MTA3: variants seen among roughly 807,000 people sequenced by gnomAD.
The protein encoded by MTA3 is metastasis associated 1 family member 3, also known as metastasis-associated protein MTA3.
In MTA3, 34 loss-of-function variants were observed where a neutral mutation model predicts 83.5. The ratio of observed to expected loss-of-function variants is 0.41; its 90% CI spans 0.31 to 0.54. The LOEUF is 0.54. MTA3 is among the 20% of genes least tolerant of loss of function. The pLI, the probability that MTA3 is intolerant of heterozygous loss-of-function variation, is 0.33. For missense variants in MTA3, 761 were observed against 726.4 expected, an observed-to-expected ratio of 1.05 and a Z score of -0.55; for synonymous variants, 303 against 252.7, an observed-to-expected ratio of 1.20 and a Z score of -1.89.
chr2:42,506,898 C>T (rs1216336363), intron 2 of MTA3, among the ~76,000 whole-genome samples: 2 of 151,370 alleles, frequency 1.3e-5, no homozygotes, highest in Admixed American at 6.6e-5. Context: ...TGAGCCACCG[C>T]GCCTGGCCTG....
intron 4 of MTA3, among the ~76,000 whole-genome samples, chr2:42,636,237 T>A (rs1231390441): frequency 6.6e-6 from 1 of 152,074 alleles, no homozygotes; most frequent in African/African-American, 2.4e-5. Context: ...CTTCAAGTTG[T>A]ATCAAGGTAA....
chr2:42,586,265 A>G (rs1428581568), intron 3 of MTA3, among the ~76,000 whole-genome samples: 2 of 148,462 alleles, frequency 1.3e-5, no homozygotes, highest in Non-Finnish European at 3.0e-5. Flanking sequence ...CAGGAGTGAA[A>G]CTCCATCTCA....
At chr2:42,567,367 C>T (rs1231205271), upstream of MTA3, among the ~76,000 whole-genome samples, 3 of 152,066 alleles carry the variant, frequency 2.0e-5, no homozygotes, top group East Asian at 1.9e-4. Flanking sequence ...TTTTTCATCT[C>T]AATACTTTGT....
chr2:42,506,587 C>CG (rs1001849478), intron 2 of MTA3, among the ~76,000 whole-genome samples: 2 of 151,458 alleles, frequency 1.3e-5, no homozygotes, highest in African/African-American at 4.9e-5. Context: ...GAGGTGTAGG[C>CG]GGGGGGTAAC....
At chr2:42,512,728 G>A (rs1055414333) in intron 2 of MTA3, among the ~76,000 whole-genome samples, 1 of 152,124 alleles carries the variant, frequency 6.6e-6, no homozygotes, top group Admixed American at 6.6e-5. Context: ...CATGTCAAGG[G>A]ATTAGAAAAC....
chr2:42,751,591 C>G (rs1013469746), intron 16 of MTA3, among the ~76,000 whole-genome samples: 6 of 152,170 alleles, frequency 3.9e-5, no homozygotes, highest in Non-Finnish European at 8.8e-5. Context: ...TGGCCTGTCT[C>G]AATTGAAAAC....
intron 2 of MTA3, among the ~76,000 whole-genome samples, chr2:42,542,832 C>T (rs943151142): frequency 2.0e-5 from 3 of 152,130 alleles, no homozygotes; most frequent in Non-Finnish European, 2.9e-5. Flanking sequence ...GCTGGGATTA[C>T]AGGCGTGACC....
intron 2 of MTA3, among the ~76,000 whole-genome samples, chr2:42,496,158 A>G (rs534481194): frequency 2.2e-4 from 33 of 152,350 alleles, no homozygotes; most frequent in African/African-American, 7.9e-4. Context: ...TTGAAGAAAT[A>G]TCTCATTTTA....
chr2:42,580,039 G>A (rs1679446485), intron 3 of MTA3, among the ~76,000 whole-genome samples: 1 of 152,158 alleles, frequency 6.6e-6, no homozygotes, highest in Admixed American at 6.6e-5. Context: ...GATGTCCCGG[G>A]CTGAAGCAAT....
rs550119148 is a variant in MTA3, at chr2:42,673,921, G to C, written c.703-8480G>C. On this transcript the variant is annotated intron_variant, in intron 8 of 16. Transcript: ENST00000405094. ...GCAACTAGGTGAATTAAGTTCTTTAGTCTCAAAGAGGAAAACACATCTATT... is the reference window on the plus strand; with the variant it reads ...GCAACTAGGTGAATTAAGTTCTTTACTCTCAAAGAGGAAAACACATCTATT... Among the ~76,000 whole-genome samples the C allele has an allele frequency of 2.6e-5, 4 of 152,308 alleles. No homozygotes were observed. The East Asian group carries it at 7.7e-4, about 29-fold the overall frequency.
At position 42,607,435 on chromosome 2, in the gene MTA3, A is replaced by G. The variant is rs183843704; in HGVS notation, c.191-2023A>G. 4.1e-3 allele frequency among the ~76,000 whole-genome samples: 619 copies of G among 152,260 alleles called. 3 individuals are homozygous for G. Among genetic ancestry groups the G allele is most frequent in the Non-Finnish European group, 6.6e-3 (451 of 68,016 alleles). The stretch of plus-strand genomic sequence containing the variant: ...TGCTGTATCGCCCAGGCTGGAGTGC[A>G]GTGGTGCGATCTCAGCTCACAGCAC... On this transcript the variant is annotated intron_variant, in intron 3 of 16. Coordinates refer to ENST00000405094, the MANE Select transcript of MTA3 (RefSeq NM_001330442.2).
At chr2:42,638,652 C>T (rs985826011) in intron 4 of MTA3, among the ~76,000 whole-genome samples, 3 of 151,820 alleles carry the variant, frequency 2.0e-5, no homozygotes, top group Non-Finnish European at 4.4e-5. Context: ...CAGGTGTGAG[C>T]TGGGCACAAT....
At chr2:42,738,802 G>A (rs1015918858) in intron 16 of MTA3, among the ~76,000 whole-genome samples, 1 of 152,184 alleles carries the variant, frequency 6.6e-6, no homozygotes, top group Non-Finnish European at 1.5e-5. Context: ...GCCCCCCAGG[G>A]CGTACCTGTT....
chr2:42,738,239 AAC>A (rs1668751358), intron 16 of MTA3, among the ~76,000 whole-genome samples: 1 of 152,168 alleles, frequency 6.6e-6, no homozygotes, highest in African/African-American at 2.4e-5. Flanking sequence ...AAGGCTGGGC[AAC>A]AGAGTGTGTT....
At chr2:42,645,011 A>C (rs574424719) in intron 6 of MTA3, among the ~76,000 whole-genome samples, 1 of 152,262 alleles carries the variant, frequency 6.6e-6, no homozygotes, top group East Asian at 1.9e-4. Context: ...AATCATAAGC[A>C]AGAAATGAAG....
At chr2:42,605,010 G>A (rs1472714883) in intron 3 of MTA3, among the ~76,000 whole-genome samples, 2 of 150,368 alleles carry the variant, frequency 1.3e-5, no homozygotes, top group East Asian at 3.9e-4. Flanking sequence ...GCAACCATCC[G>A]ATTTCTCAAT....
Position 42,536,586 on chromosome 2 carries a change from G to A in MTA3, c.-140-33851G>A, listed in dbSNP as rs369568790. Among the ~76,000 whole-genome samples, 12 of 152,220 alleles carry A rather than the reference G, an allele frequency of 7.9e-5. No individual in the cohort carries two copies. The East Asian group carries it at 1.2e-3, about 15-fold the overall frequency. ...TAGGAGTATATAGTGGAGGCTGGGC[G>A]TGGTGGCTCACGCCTGTAATCCCAG... On this transcript the variant is annotated intron_variant, in intron 2 of 17. Transcript: ENST00000405592.
At chr2:42,618,997 T>C (rs373321944) in intron 4 of MTA3, among the ~76,000 whole-genome samples, 2 of 152,216 alleles carry the variant, frequency 1.3e-5, no homozygotes, top group Non-Finnish European at 2.9e-5. Flanking sequence ...ATTACTTGCA[T>C]TGGTAGCTGC....
chr2:42,632,432 T>C (rs1368683343), intron 4 of MTA3, among the ~76,000 whole-genome samples: 1 of 152,138 alleles, frequency 6.6e-6, no homozygotes, highest in Non-Finnish European at 1.5e-5. Context: ...CCACAAGTAC[T>C]GTACTCCATA....
Sources: gnomAD v4.1 joint callset for allele counts (sites outside exome capture counted in the v4.1 genomes callset) on GRCh38, gnomAD v4.1.1 for gene constraint, MANE v1.5 for transcripts, NCBI Gene and HGNC (gene_info 2026-07-23, HGNC 2026-07-21) for gene names.